SCAPER: variants seen among roughly 807,000 people sequenced by gnomAD.
SCAPER encodes S-phase cyclin A associated protein in the ER.
SCAPER carries 98 observed loss-of-function variants against 182.2 expected under a neutral mutation model. That is an observed-to-expected ratio of 0.54 (90% CI 0.46 to 0.64). The LOEUF (loss-of-function observed/expected upper bound fraction) is 0.64, where lower values mean the gene tolerates loss of function less well. Among genes scored for constraint, SCAPER ranks in the 30% least tolerant of loss-of-function variants. The pLI, the probability that SCAPER is intolerant of heterozygous loss-of-function variation, is 0.00. For missense variants in SCAPER, 1,432 were observed against 1,690.0 expected, an observed-to-expected ratio of 0.85 and a Z score of 2.68; for synonymous variants, 605 against 564.6, an observed-to-expected ratio of 1.07 and a Z score of -1.01.
At chr15:76,653,678 C>T (rs2055366330) in intron 21 of SCAPER, among the ~76,000 whole-genome samples, 1 of 152,020 alleles carries the variant, frequency 6.6e-6, no homozygotes, top group Non-Finnish European at 1.5e-5. Context: ...GAAGCTGGAC[C>T]CCTACTTTTC....
At chr15:76,512,534 G>C (rs1182185979) in intron 23 of SCAPER, among the ~76,000 whole-genome samples, 1 of 151,886 alleles carries the variant, frequency 6.6e-6, no homozygotes, top group African/African-American at 2.4e-5. Flanking sequence ...AAATCAAGCA[G>C]CACCACTGCT....
chr15:76,718,081 T>A (rs2059987847), intron 17 of SCAPER, among the ~76,000 whole-genome samples: 1 of 152,174 alleles, frequency 6.6e-6, no homozygotes, highest in African/African-American at 2.4e-5. Flanking sequence ...TATTGTTGTT[T>A]CAGATCACTA....
chr15:76,662,306 C>T (rs2056251411), intron 21 of SCAPER, among the ~76,000 whole-genome samples: 1 of 152,060 alleles, frequency 6.6e-6, no homozygotes, highest in African/African-American at 2.4e-5. Context: ...CAAACCTGCA[C>T]ATTCTGCACG....
chr15:76,828,085 C>T (rs1266104307), intron 5 of SCAPER, among the ~76,000 whole-genome samples: 1 of 152,102 alleles, frequency 6.6e-6, no homozygotes, highest in Non-Finnish European at 1.5e-5. Context: ...GCTCAGCCCC[C>T]TCACCATGTG....
intron 1 of SCAPER, among the ~76,000 whole-genome samples, chr15:76,884,550 C>T (rs974778769): frequency 4.6e-5 from 7 of 152,164 alleles, no homozygotes; most frequent in African/African-American, 1.7e-4. Context: ...CAAAAATGAC[C>T]TAACTCTGTA....
chr15:76,444,658 T>C (rs1306152631), intron 25 of SCAPER, among the ~76,000 whole-genome samples: 1 of 152,200 alleles, frequency 6.6e-6, no homozygotes, highest in Non-Finnish European at 1.5e-5. Context: ...CAGCTACTAT[T>C]TCTTCAAATA....
At chr15:76,746,999 A>G (rs1176234587) in intron 15 of SCAPER, among the ~76,000 whole-genome samples, 1 of 152,244 alleles carries the variant, frequency 6.6e-6, no homozygotes, top group Non-Finnish European at 1.5e-5. Flanking sequence ...GCAGATACGA[A>G]AAACCAAACC....
intron 4 of SCAPER, among the ~76,000 whole-genome samples, chr15:76,846,132 C>T (rs552880059): frequency 2.2e-4 from 34 of 152,096 alleles, no homozygotes; most frequent in Middle Eastern, 3.4e-3. Flanking sequence ...CTGGGAAAAC[C>T]GGATATCTGT....
chr15:76,627,585 C>T (rs2052705501), intron 21 of SCAPER, among the ~76,000 whole-genome samples: 1 of 152,148 alleles, frequency 6.6e-6, no homozygotes, highest in African/African-American at 2.4e-5. Flanking sequence ...AGGATAATAG[C>T]TTCCAGGTCC....
chr15:76,389,541 C>T (rs1300146696), intron 27 of SCAPER, among the ~76,000 whole-genome samples: 29 of 123,994 alleles, frequency 2.3e-4, no homozygotes, highest in Non-Finnish European at 3.7e-4. Context: ...AGGCCGGGCG[C>T]GGTGGCTCAC....
At chr15:76,680,073 A>G (rs1023652032) in intron 20 of SCAPER, among the ~76,000 whole-genome samples, 2 of 152,146 alleles carry the variant, frequency 1.3e-5, no homozygotes, top group Non-Finnish European at 2.9e-5. Context: ...GTAATACCAT[A>G]TATCACAAAT....
At chr15:76,449,563 T>C (rs556615500) in intron 25 of SCAPER, among the ~76,000 whole-genome samples, 2 of 152,232 alleles carry the variant, frequency 1.3e-5, no homozygotes, top group African/African-American at 4.8e-5. Flanking sequence ...GAAATAGTTA[T>C]ATGAGATAAT....
intron 21 of SCAPER, among the ~76,000 whole-genome samples, chr15:76,632,206 T>C (rs1223724747): frequency 6.6e-6 from 1 of 152,176 alleles, no homozygotes; most frequent in African/African-American, 2.4e-5. Flanking sequence ...GTTTGTTTGT[T>C]TGAGACAGAG....
At chr15:76,430,205 C>T (rs1032880179) in intron 26 of SCAPER, among the ~76,000 whole-genome samples, 2 of 152,200 alleles carry the variant, frequency 1.3e-5, no homozygotes, top group Admixed American at 6.5e-5. Context: ...AAGTTTGCTG[C>T]AGGGGAGGGG....
At chr15:76,387,515 A>G (rs973878239) in intron 27 of SCAPER, among the ~76,000 whole-genome samples, 15 of 152,238 alleles carry the variant, frequency 9.9e-5, no homozygotes, top group Admixed American at 9.8e-4. Flanking sequence ...GGAAGCCATC[A>G]ACACAGAGAT....
intron 26 of SCAPER, among the ~76,000 whole-genome samples, chr15:76,416,704 T>C (rs915715790): frequency 6.6e-6 from 1 of 152,022 alleles, no homozygotes; most frequent in Admixed American, 6.6e-5. Flanking sequence ...AAATAATCAA[T>C]TGTATGAAAA....
intron 23 of SCAPER, among the ~76,000 whole-genome samples, chr15:76,538,901 C>T (rs879613729): frequency 1.3e-5 from 2 of 152,020 alleles, no homozygotes; most frequent in Non-Finnish European, 2.9e-5. Flanking sequence ...CTCCGAAAAA[C>T]ATGAAGACTG....
At chr15:76,721,451 A>G (rs569423386) in intron 17 of SCAPER, among the ~76,000 whole-genome samples, 7 of 151,848 alleles carry the variant, frequency 4.6e-5, no homozygotes, top group African/African-American at 1.2e-4. Flanking sequence ...AGTTTTTTCC[A>G]ATTCTGTGAA....
At chr15:76,697,647 A>C (rs2058720849) in intron 20 of SCAPER, among the ~76,000 whole-genome samples, 1 of 152,058 alleles carries the variant, frequency 6.6e-6, no homozygotes, top group African/African-American at 2.4e-5. Flanking sequence ...AATTACAAAT[A>C]ATTTTTTTTG....
Sources: gnomAD v4.1 joint callset for allele counts (sites outside exome capture counted in the v4.1 genomes callset) on GRCh38, gnomAD v4.1.1 for gene constraint, MANE v1.5 for transcripts, NCBI Gene and HGNC (gene_info 2026-07-23, HGNC 2026-07-21) for gene names.